Variants in DCDC1 observed in about 807,000 individuals in gnomAD.
The protein encoded by DCDC1 is doublecortin domain-containing protein 1.
A neutral mutation model predicts 178.3 loss-of-function variants in DCDC1; 200 were observed. The observed-to-expected ratio is 1.12, with a 90% CI of 1.00 to 1.26. DCDC1 has a LOEUF of 1.26. Ranked by LOEUF, DCDC1 falls within the 50% of genes most tolerant of loss-of-function variation. The pLI is 0.00. For synonymous variants in DCDC1, 690 were observed against 604.8 expected (o/e 1.14, Z -2.07); for missense variants, 1,983 against 1,749.2 (o/e 1.13, Z -2.38).
At chr11:31,245,682 CTTT>C (rs1052310794) in intron 8 of DCDC1, among the ~76,000 whole-genome samples, 2 of 151,686 alleles carry the variant, frequency 1.3e-5, no homozygotes, top group African/African-American at 4.8e-5. Context: ...CTCTTATGTA[CTTT>C]ATCCTACCTT....
intron 20 of DCDC1, among the ~76,000 whole-genome samples, chr11:30,967,676 C>G (rs553868193): frequency 6.6e-6 from 1 of 152,094 alleles, no homozygotes; most frequent in Non-Finnish European, 1.5e-5. Context: ...CAGAACAGGT[C>G]AAAGAGATTA....
chr11:31,249,555 G>C (rs1488773951), intron 8 of DCDC1, among the ~76,000 whole-genome samples: 1 of 152,084 alleles, frequency 6.6e-6, no homozygotes, highest in African/African-American at 2.4e-5. Flanking sequence ...AGAAACCCTG[G>C]AACCAAGGAA....
chr11:31,156,218 C>T lies in DCDC1; in HGVS notation c.1222-18434G>A, dbSNP rs189960568. Among the ~76,000 whole-genome samples the T allele has an allele frequency of 3.0e-3, 450 of 152,274 alleles. 5 individuals carry two copies. The highest frequency in any genetic ancestry group is 0.01 in the African/African-American group (429 of 41,530). ...TAATTGAGTACAATATTTTGAAATA[C>T]AGATCTACTAATGAGAAGAATGTAA... On this transcript the variant is annotated intron_variant, in intron 9 of 38. Coordinates refer to ENST00000684477, the MANE Select transcript of DCDC1 (RefSeq NM_001387274.1).
At chr11:31,175,157 C>T (rs1217810062) in intron 9 of DCDC1, among the ~76,000 whole-genome samples, 8 of 152,154 alleles carry the variant, frequency 5.3e-5, no homozygotes, top group Non-Finnish European at 8.8e-5. Context: ...TCCGAGCTTC[C>T]GGATGCCACT....
chr11:31,294,800 AAGAAAG>A (rs1451850644), intron 6 of DCDC1, among the ~76,000 whole-genome samples: 3 of 9,762 alleles, frequency 3.1e-4, no homozygotes, highest in Admixed American at 2.1e-3. Context: ...AATAAAGAAA[AAGAAAG>A]AAAGAAAGAA....
chr11:31,292,878 A>G (rs1041452452), intron 6 of DCDC1, among the ~76,000 whole-genome samples: 13 of 152,134 alleles, frequency 8.5e-5, no homozygotes, highest in African/African-American at 2.9e-4. Flanking sequence ...GGGGAAAAAA[A>G]AATATGAATG....
chr11:31,268,678 T>C (rs185374347), intron 7 of DCDC1, among the ~76,000 whole-genome samples: 1 of 152,344 alleles, frequency 6.6e-6, no homozygotes, highest in African/African-American at 2.4e-5. Flanking sequence ...AGTGCTGTGA[T>C]GAACACACGA....
intron 38 of DCDC1, among the ~76,000 whole-genome samples, chr11:30,875,374 C>T (rs1286478823): frequency 1.3e-5 from 2 of 152,160 alleles, no homozygotes; most frequent in African/African-American, 4.8e-5. Context: ...GAACCAGAAC[C>T]AGCGGTTCAA....
intron 2 of DCDC1, among the ~76,000 whole-genome samples, chr11:31,331,937 T>C: frequency 6.6e-6 from 1 of 152,190 alleles, no homozygotes; most frequent in African/African-American, 2.4e-5. Flanking sequence ...TTGATTGGAA[T>C]AGTTTCAGAA....
At position 30,922,571 on chromosome 11, in the gene DCDC1, A is replaced by AT. The variant is rs1224853948; in HGVS notation, c.3064dup (p.Ile1022AsnfsTer21). The AT allele has an allele frequency of 6.3e-6, 10 of 1,588,482 alleles. No individual in the cohort carries two copies. The highest frequency in any genetic ancestry group is 7.7e-6 in the Non-Finnish European group (9 of 1,171,226). ...GTCTGATTCTAGGTTCCTCAGGAAT[A>AT]TTTGTTTCTTTTGCTGAGCAATGGA... On this transcript the variant is annotated frameshift_variant, in exon 24 of 39. Coordinates refer to ENST00000684477, the MANE Select transcript of DCDC1 (RefSeq NM_001387274.1). LOFTEE classifies it high-confidence loss of function.
At chr11:30,992,574 T>C (rs1951049005) in intron 20 of DCDC1, 1 of 152,250 alleles carries the variant, frequency 6.6e-6, no homozygotes, top group African/African-American at 2.4e-5. Context: ...CCCCACAACC[T>C]GGCTTTCTCC....
intron 10 of DCDC1, among the ~76,000 whole-genome samples, 158 bp downstream of exon 10, chr11:31,137,534 G>C (rs4922855): frequency 6.6e-6 from 1 of 152,058 alleles, no homozygotes; most frequent in African/African-American, 2.4e-5. Context: ...ATTTTTAGTA[G>C]AGATGGGGTT....
At position 31,060,803 on chromosome 11, in the gene DCDC1, T is replaced by G. The variant is rs1006411990; in HGVS notation, c.2591+3666A>C. Reference sequence around the variant, plus strand: ...TCACCCGCCCATTTGGTTAGTTATTTGTCTATATAAAATTAGGATAATACT... The same window carrying G: ...TCACCCGCCCATTTGGTTAGTTATTGGTCTATATAAAATTAGGATAATACT... On this transcript the variant is annotated intron_variant, in intron 20 of 38. Coordinates refer to ENST00000684477, the MANE Select transcript of DCDC1 (RefSeq NM_001387274.1). Among the ~76,000 whole-genome samples the G allele has an allele frequency of 2.6e-5, 4 of 152,298 alleles. No individual in the cohort carries two copies. In the East Asian group the frequency reaches 7.7e-4, roughly 29 times the overall value.
At chr11:31,005,130 A>G (rs1299058447) in intron 20 of DCDC1, among the ~76,000 whole-genome samples, 2 of 152,194 alleles carry the variant, frequency 1.3e-5, no homozygotes, top group Non-Finnish European at 1.5e-5. Flanking sequence ...ATTTTGGTCA[A>G]TTTAACAACA....
At chr11:30,896,506 G>A (rs1423725988) in intron 34 of DCDC1, among the ~76,000 whole-genome samples, 1 of 152,112 alleles carries the variant, frequency 6.6e-6, no homozygotes. Context: ...CTGTCTTATT[G>A]GGAGGCCCAC....
intron 11 of DCDC1, among the ~76,000 whole-genome samples, chr11:31,115,836 A>C (rs1232455409): frequency 6.6e-6 from 1 of 152,086 alleles, no homozygotes; most frequent in African/African-American, 2.4e-5. Flanking sequence ...GGTTGTTCAG[A>C]ATTAAGAAAA....
At chr11:30,989,901 A>G (rs290107) in intron 20 of DCDC1, among the ~76,000 whole-genome samples, 89,903 of 151,826 alleles carry the variant, frequency 0.59, 27,333 homozygotes, top group African/African-American at 0.71. Context: ...AGGAAGAGAC[A>G]ATCCAGGGAA....
chr11:31,149,604 T>C lies in DCDC1; in HGVS notation c.1222-11820A>G, dbSNP rs978263566. Among the ~76,000 whole-genome samples the C allele has an allele frequency of 5.3e-5, 8 of 152,004 alleles. No individual in the cohort carries two copies. In the East Asian group the frequency reaches 5.8e-4, roughly 11 times the overall value. ...ATTAATGTTGCTGCTGCTCACTCTT[T>C]GGGTCTGCACTAACTTTATGAGCCA... On this transcript the variant is annotated intron_variant, in intron 9 of 38. Coordinates refer to ENST00000684477, the MANE Select transcript of DCDC1 (RefSeq NM_001387274.1).
At chr11:31,083,813 C>T (rs1957328372) in intron 17 of DCDC1, among the ~76,000 whole-genome samples, 1 of 152,074 alleles carries the variant, frequency 6.6e-6, no homozygotes, top group South Asian at 2.1e-4. Context: ...CATGTGTGTG[C>T]AAGTGTTTGA....
Sources: gnomAD v4.1 joint callset for allele counts (sites outside exome capture counted in the v4.1 genomes callset) on GRCh38, gnomAD v4.1.1 for gene constraint, MANE v1.5 for transcripts, NCBI Gene and HGNC (gene_info 2026-07-23, HGNC 2026-07-21) for gene names.